Variants in KHDRBS2 observed in about 807,000 individuals in gnomAD.
KHDRBS2 encodes KH domain-containing, RNA-binding, signal transduction-associated protein 2.
A neutral mutation model predicts 44.3 loss-of-function variants in KHDRBS2; 26 were observed. The ratio of observed to expected loss-of-function variants is 0.59; its 90% CI spans 0.43 to 0.81. The LOEUF (loss-of-function observed/expected upper bound fraction) is 0.81, where lower values mean the gene tolerates loss of function less well. Among genes scored for constraint, KHDRBS2 ranks in the 40% least tolerant of loss-of-function variants. The pLI is 0.00. For synonymous variants in KHDRBS2, 194 were observed against 151.1 expected (o/e 1.28, Z -2.08); for missense variants, 476 against 433.1 (o/e 1.10, Z -0.88).
the KHDRBS2 span, among the ~76,000 whole-genome samples, chr6:61,595,719 C>A: frequency 6.6e-6 from 1 of 151,736 alleles, no homozygotes; most frequent in African/African-American, 2.4e-5. Context: ...AATGTTTTCT[C>A]AATTTTTCAT....
the KHDRBS2 span, among the ~76,000 whole-genome samples, chr6:61,628,318 A>C: frequency 1.5e-5 from 2 of 135,458 alleles, no homozygotes; most frequent in Non-Finnish European, 3.0e-5. Flanking sequence ...AGTGAAGTTC[A>C]TCTTCCTCAC....
intron 6 of KHDRBS2, among the ~76,000 whole-genome samples, chr6:61,869,314 G>GT (rs1482501280): frequency 6.6e-6 from 1 of 152,190 alleles, no homozygotes; most frequent in African/African-American, 2.4e-5. Flanking sequence ...TAATAGCAAT[G>GT]TTAGAAGCAA....
At chr6:62,008,208 A>G (rs953733633) in intron 3 of KHDRBS2, among the ~76,000 whole-genome samples, 6 of 152,220 alleles carry the variant, frequency 3.9e-5, no homozygotes, top group Admixed American at 6.5e-5. Context: ...GCAGCTGGAT[A>G]TAACCTGCCT....
At chr6:61,646,625 A>C in the KHDRBS2 span, among the ~76,000 whole-genome samples, 5 of 152,126 alleles carry the variant, frequency 3.3e-5, no homozygotes, top group Non-Finnish European at 7.4e-5. Context: ...TAGCCTCTGT[A>C]ATTTGGCTTT....
the KHDRBS2 span, among the ~76,000 whole-genome samples, chr6:61,555,610 C>T: frequency 1.3e-5 from 2 of 152,182 alleles, no homozygotes; most frequent in African/African-American, 4.8e-5. Flanking sequence ...AGAGTTCTTG[C>T]ACTGATTCTT....
At chr6:62,046,080 A>G (rs1787627051) in intron 3 of KHDRBS2, among the ~76,000 whole-genome samples, 1 of 151,862 alleles carries the variant, frequency 6.6e-6, no homozygotes, top group Non-Finnish European at 1.5e-5. Flanking sequence ...GAAAACACTC[A>G]AATCATAGTC....
chr6:62,139,807 G>A (rs957941521), intron 2 of KHDRBS2, among the ~76,000 whole-genome samples: 2 of 151,996 alleles, frequency 1.3e-5, no homozygotes, highest in Admixed American at 1.3e-4. Context: ...TGACAATCAC[G>A]TAAGGGCTGC....
At position 61,748,388 on chromosome 6, in the gene KHDRBS2, A is replaced by T. The variant is rs182918980; in HGVS notation, c.811-15624T>A. Among the ~76,000 whole-genome samples, 238 of 152,268 alleles carry T rather than the reference A, an allele frequency of 1.6e-3. 1 individual carries two copies. Among genetic ancestry groups the T allele is most frequent in the African/African-American group, 5.3e-3 (222 of 41,552 alleles). ...ATTTTTGATACCTCAGATTTTGCTT[A>T]GGGCTGATGACTTAGGGCTACCCTG... On this transcript the variant is annotated intron_variant, in intron 6 of 8. Transcript: ENST00000281156.
chr6:61,850,224 G>T (rs1437312959), intron 6 of KHDRBS2, among the ~76,000 whole-genome samples: 1 of 151,670 alleles, frequency 6.6e-6, no homozygotes, highest in Non-Finnish European at 1.5e-5. Context: ...TTAGTTTTTT[G>T]GACTAGGCAA....
chr6:62,088,131 G>T (rs1798767312), intron 2 of KHDRBS2, among the ~76,000 whole-genome samples: 1 of 152,064 alleles, frequency 6.6e-6, no homozygotes, highest in Non-Finnish European at 1.5e-5. Context: ...CTTGCATTGG[G>T]TTAGAACATG....
chr6:61,652,285 C>T, the KHDRBS2 span: 124,366 of 151,866 alleles, frequency 0.82, 51,345 homozygotes, highest in Non-Finnish European at 0.88. Context: ...GGCTTGGATC[C>T]GTAGTGGTGA....
intron 2 of KHDRBS2, among the ~76,000 whole-genome samples, chr6:62,111,892 A>G (rs1314015428): frequency 1.3e-5 from 2 of 152,042 alleles, no homozygotes; most frequent in Non-Finnish European, 2.9e-5. Context: ...TATACAAGAC[A>G]AGAAAACAAA....
the KHDRBS2 span, among the ~76,000 whole-genome samples, chr6:61,650,608 CTT>C: frequency 0.21 from 30,958 of 150,072 alleles, 3,492 homozygotes; most frequent in South Asian, 0.33. Context: ...AACTTAATGC[CTT>C]TTTTTTTTTT....
At chr6:62,082,153 A>T (rs373053121) in intron 2 of KHDRBS2, among the ~76,000 whole-genome samples, 1 of 152,250 alleles carries the variant, frequency 6.6e-6, no homozygotes, top group East Asian at 1.9e-4. Flanking sequence ...AGCTAATGGA[A>T]GTGTAGGACT....
intron 1 of KHDRBS2, among the ~76,000 whole-genome samples, chr6:62,256,069 A>G (rs771784882): frequency 1.3e-5 from 2 of 151,894 alleles, no homozygotes; most frequent in African/African-American, 4.8e-5. Flanking sequence ...TGGGAGGCAG[A>G]GGTTGCAGTG....
chr6:61,891,067 T>C (rs1326268374), intron 6 of KHDRBS2, among the ~76,000 whole-genome samples: 2 of 152,184 alleles, frequency 1.3e-5, no homozygotes, highest in Non-Finnish European at 2.9e-5. Context: ...GTCCATATGT[T>C]TTGAGTGCCC....
the KHDRBS2 span, among the ~76,000 whole-genome samples, chr6:61,619,972 C>A: frequency 1.3e-5 from 2 of 152,108 alleles, no homozygotes; most frequent in East Asian, 3.9e-4. Context: ...AGTCTGTAAT[C>A]TTTCATTTCG....
chr6:62,038,767 T>G (rs1289388913), intron 3 of KHDRBS2, among the ~76,000 whole-genome samples: 3 of 152,034 alleles, frequency 2.0e-5, no homozygotes, highest in African/African-American at 7.2e-5. Flanking sequence ...TGGGGTCATT[T>G]CAACTATTAA....
the KHDRBS2 span, among the ~76,000 whole-genome samples, chr6:61,554,670 C>G: frequency 4.6e-5 from 7 of 152,114 alleles, no homozygotes; most frequent in Non-Finnish European, 7.4e-5. Context: ...CATGTTTAGC[C>G]CTCCCTTCAG....
Sources: gnomAD v4.1 joint callset for allele counts (sites outside exome capture counted in the v4.1 genomes callset) on GRCh38, gnomAD v4.1.1 for gene constraint, MANE v1.5 for transcripts, NCBI Gene and HGNC (gene_info 2026-07-23, HGNC 2026-07-21) for gene names.